Variants in NTNG1 observed in about 807,000 individuals in gnomAD.
NTNG1 encodes netrin G1.
In NTNG1, 16 loss-of-function variants were observed where a neutral mutation model predicts 54.0. The ratio of observed to expected loss-of-function variants is 0.30; its 90% CI spans 0.20 to 0.45. The LOEUF (loss-of-function observed/expected upper bound fraction) is 0.45, where lower values mean the gene tolerates loss of function less well. NTNG1 is among the 20% of genes least tolerant of loss of function. The probability of loss-of-function intolerance (pLI) is 1.00; values close to 1 mark genes in which losing one functional copy is unlikely to be tolerated. For missense variants in NTNG1, 530 were observed against 678.7 expected (o/e 0.78, Z 2.43); for synonymous variants, 255 against 263.1 (o/e 0.97, Z 0.30).
chr1:107,208,493 C>T (rs896025260), intron 2 of NTNG1, among the ~76,000 whole-genome samples: 2 of 151,476 alleles, frequency 1.3e-5, no homozygotes, highest in Non-Finnish European at 2.9e-5. Flanking sequence ...TCTTTGCTTG[C>T]TTCTCTGTTA....
At chr1:107,189,171 C>T (rs1004031549) in intron 2 of NTNG1, among the ~76,000 whole-genome samples, 7 of 151,476 alleles carry the variant, frequency 4.6e-5, no homozygotes, top group South Asian at 2.1e-4. Flanking sequence ...GGCCACGTGG[C>T]GAAACTCCTT....
At position 107,221,900 on chromosome 1, in the gene NTNG1, G is replaced by GTCC. The variant is rs1289459927; in HGVS notation, c.246+73063_246+73065dup. On this transcript the variant is annotated intron_variant, in intron 2 of 7. Transcript: ENST00000370068. Reference sequence around the variant, plus strand: ...GCAGAGACACTTCTGTTTGTCCAGGGTCCTGCTAAGCTATCCAGCCTCATT... The same window carrying GTCC: ...GCAGAGACACTTCTGTTTGTCCAGGGTCCTCCTGCTAAGCTATCCAGCCTCATT... Among the ~76,000 whole-genome samples the GTCC allele has an allele frequency of 2.0e-5, 3 of 152,256 alleles. No homozygotes were observed. The East Asian group carries it at 5.8e-4, about 29-fold the overall frequency.
chr1:107,472,748 T>C (rs1337242326), intron 7 of NTNG1, among the ~76,000 whole-genome samples: 2 of 152,180 alleles, frequency 1.3e-5, no homozygotes, highest in African/African-American at 2.4e-5. Flanking sequence ...GTTTTGTTTT[T>C]TTGTGGGGCG....
At chr1:107,285,741 A>G (rs934763380) in intron 2 of NTNG1, among the ~76,000 whole-genome samples, 3 of 152,110 alleles carry the variant, frequency 2.0e-5, no homozygotes, top group East Asian at 3.9e-4. Context: ...AATTGCACTT[A>G]TTTTAGAAAT....
chr1:107,230,933 T>C lies in NTNG1; in HGVS notation c.246+82094T>C, dbSNP rs548923421. Reference sequence around the variant, plus strand: ...TGAAGTACTTCCTAGAATGAGTAGCTTCTAATGTGTTATCCATATATTGAA... The same window carrying C: ...TGAAGTACTTCCTAGAATGAGTAGCCTCTAATGTGTTATCCATATATTGAA... On this transcript the variant is annotated intron_variant, in intron 2 of 7. Transcript: ENST00000370068. Among the ~76,000 whole-genome samples, 25 of 152,294 alleles carry C rather than the reference T, an allele frequency of 1.6e-4. No individual in the cohort carries two copies. The South Asian group carries it at 5.0e-3, about 30-fold the overall frequency.
In NTNG1 at chr1:107,482,204, T is replaced by C. The variant is rs927604271; in HGVS notation, c.*1364T>C. 1 of 152,196 alleles carries C rather than the reference T, an allele frequency of 6.6e-6. No individual in the cohort carries two copies. The highest frequency in any genetic ancestry group is 1.5e-5 in the Non-Finnish European group (1 of 68,046). The allele number at this position is 152,196 out of a possible 1,614,324, so 9.4% of individuals were successfully genotyped here. ...ATGTGACTCTAGGGATGCTGATCTA[T>C]GTATCTTTCCAAATACAGTGTTTAC... is the stretch of plus-strand genomic sequence containing the variant. On this transcript the variant is annotated 3_prime_UTR_variant, in exon 8 of 8. Coordinates refer to ENST00000370068, the MANE Select transcript of NTNG1 (RefSeq NM_001113226.3).
At position 107,302,227 on chromosome 1, in the gene NTNG1, A is replaced by G. The variant is rs966920419; in HGVS notation, c.247-22055A>G. ...CAAAACTTGCTAGCATAGCTTCACT[A>G]CAGTTTCTAGGATGAATCCTGGCTT... On this transcript the variant is annotated intron_variant, in intron 2 of 7. Coordinates refer to ENST00000370068, the MANE Select transcript of NTNG1 (RefSeq NM_001113226.3). 5.3e-5 allele frequency among the ~76,000 whole-genome samples: 8 copies of G among 152,204 alleles called. No individual in the cohort carries two copies. The South Asian group carries it at 1.5e-3, about 28-fold the overall frequency.
chr1:107,375,352 T>G, intron 3 of NTNG1, among the ~76,000 whole-genome samples: 1 of 152,220 alleles, frequency 6.6e-6, no homozygotes, highest in Non-Finnish European at 1.5e-5. Context: ...CAGAGGCAAT[T>G]GTCCCTCCTT....
intron 3 of NTNG1, among the ~76,000 whole-genome samples, chr1:107,387,032 C>A (rs1672048926): frequency 6.6e-6 from 1 of 152,164 alleles, no homozygotes; most frequent in South Asian, 2.1e-4. Flanking sequence ...TGCTTATTGG[C>A]TATTTGTATA....
intron 2 of NTNG1, among the ~76,000 whole-genome samples, chr1:107,167,623 G>A (rs1479978489): frequency 1.3e-5 from 2 of 151,874 alleles, no homozygotes; most frequent in African/African-American, 4.8e-5. Context: ...ATAAGTCACA[G>A]TAACTAATAA....
chr1:107,159,528 C>G (rs536437001), intron 2 of NTNG1, among the ~76,000 whole-genome samples: 1 of 152,214 alleles, frequency 6.6e-6, no homozygotes, highest in Admixed American at 6.5e-5. Context: ...TATCCTTACT[C>G]ACCAGAGTAA....
chr1:107,359,446 A>T (rs1670133148), intron 3 of NTNG1, among the ~76,000 whole-genome samples: 1 of 152,148 alleles, frequency 6.6e-6, no homozygotes, highest in African/African-American at 2.4e-5. Flanking sequence ...CAGGAAGAGA[A>T]GAGAAAACAG....
intron 2 of NTNG1, among the ~76,000 whole-genome samples, chr1:107,198,014 G>T (rs976545625): frequency 4.6e-5 from 7 of 151,916 alleles, no homozygotes; most frequent in African/African-American, 9.7e-5. Context: ...GTCAAAGGTA[G>T]ATTCTAGTGT....
intron 2 of NTNG1, among the ~76,000 whole-genome samples, chr1:107,208,322 C>G (rs897496419): frequency 1.3e-5 from 2 of 151,348 alleles, no homozygotes; most frequent in Admixed American, 6.6e-5. Context: ...CCCAGCTACT[C>G]AGGAGGCTGA....
chr1:107,263,249 T>A (rs557296500), intron 2 of NTNG1, among the ~76,000 whole-genome samples: 52 of 152,174 alleles, frequency 3.4e-4, no homozygotes, highest in Admixed American at 9.2e-4. Flanking sequence ...TGGGAAAAGC[T>A]AATAACAGTT....
intron 2 of NTNG1, among the ~76,000 whole-genome samples, chr1:107,248,728 C>T (rs1662365803): frequency 6.6e-6 from 1 of 152,102 alleles, no homozygotes. Context: ...TCTTTATTCC[C>T]AAAGTACTGA....
At chr1:107,380,102 T>C (rs1671552072) in intron 3 of NTNG1, among the ~76,000 whole-genome samples, 1 of 152,236 alleles carries the variant, frequency 6.6e-6, no homozygotes, top group South Asian at 2.1e-4. Context: ...CTGTCTGCAG[T>C]GACCTTCAGG....
At chr1:107,251,145 C>T (rs1420338762) in intron 2 of NTNG1, among the ~76,000 whole-genome samples, 1 of 152,166 alleles carries the variant, frequency 6.6e-6, no homozygotes, top group Non-Finnish European at 1.5e-5. Context: ...ACTGACTCTT[C>T]TAGTTGAAAG....
rs190044398 is a variant in NTNG1, at chr1:107,214,739, A to C, written c.246+65900A>C. On this transcript the variant is annotated intron_variant, in intron 2 of 7. Coordinates refer to ENST00000370068, the MANE Select transcript of NTNG1 (RefSeq NM_001113226.3). ...TGTCATAGTGGTTGTACTAGTTTACATTCCCACCAGCAGCGTAAAAGTGTT... is the reference window on the plus strand; with the variant it reads ...TGTCATAGTGGTTGTACTAGTTTACCTTCCCACCAGCAGCGTAAAAGTGTT... Among the ~76,000 whole-genome samples the C allele has an allele frequency of 2.3e-3, 354 of 150,754 alleles. 4 individuals carry two copies. Among genetic ancestry groups the C allele is most frequent in the African/African-American group, 8.4e-3 (346 of 41,096 alleles).
Sources: gnomAD v4.1 joint callset for allele counts (sites outside exome capture counted in the v4.1 genomes callset) on GRCh38, gnomAD v4.1.1 for gene constraint, MANE v1.5 for transcripts, NCBI Gene and HGNC (gene_info 2026-07-23, HGNC 2026-07-21) for gene names.